The following LIMCH1 variants were observed in gnomAD, a reference collection of about 807,000 sequenced individuals.
The protein encoded by LIMCH1 is LIM and calponin homology domains-containing protein 1.
Under a neutral mutation model 176.5 loss-of-function variants are expected in LIMCH1, and 113 were observed. That is an observed-to-expected ratio of 0.64 (90% CI 0.55 to 0.75). The LOEUF (loss-of-function observed/expected upper bound fraction) is 0.75. Ranked by LOEUF, LIMCH1 falls within the 30% of genes least tolerant of loss-of-function variation. The pLI, the probability that LIMCH1 is intolerant of heterozygous loss-of-function variation, is 0.00. For missense variants in LIMCH1, 1,674 were observed against 1,814.9 expected (o/e 0.92, Z 1.41); for synonymous variants, 619 against 645.9 (o/e 0.96, Z 0.63).
intron 1 of LIMCH1, among the ~76,000 whole-genome samples, chr4:41,468,156 G>A (rs1397392938): frequency 6.6e-6 from 1 of 152,140 alleles, no homozygotes; most frequent in African/African-American, 2.4e-5. Flanking sequence ...TTTGAGAAGT[G>A]GAAGTTTTAT....
chr4:41,625,984 T>G lies in LIMCH1; in HGVS notation c.726-724T>G, dbSNP rs111576258. On this transcript the variant is annotated intron_variant, in intron 7 of 31. Coordinates refer to ENST00000503057, the MANE Select transcript of LIMCH1 (RefSeq NM_001330672.2). ...GAGAGCTATGATTGCACCACTGCGT[T>G]CCAGCCTGGGTGACAGAACAAGACC... Among the ~76,000 whole-genome samples, 58 of 152,104 alleles carry G rather than the reference T, an allele frequency of 3.8e-4. 3 individuals are homozygous for G. The highest frequency in any genetic ancestry group is 1.3e-3 in the African/African-American group (55 of 41,490).
intron 17 of LIMCH1, 141 bp downstream of exon 17, chr4:41,647,034 G>T: frequency 1.2e-6 from 1 of 801,230 alleles, no homozygotes; most frequent in South Asian, 1.9e-5. Flanking sequence ...GAAAGTCATA[G>T]GTCTCTGGAG....
chr4:41,413,832 A>G (rs902301453), intron 1 of LIMCH1, among the ~76,000 whole-genome samples: 1 of 152,126 alleles, frequency 6.6e-6, no homozygotes, highest in Non-Finnish European at 1.5e-5. Context: ...GGGTTAAAGG[A>G]AAAAAGACTA....
intron 2 of LIMCH1, among the ~76,000 whole-genome samples, chr4:41,509,167 A>T (rs981836314): frequency 1.1e-4 from 16 of 152,308 alleles, no homozygotes; most frequent in Middle Eastern, 6.8e-3. Flanking sequence ...TAACTGGGAT[A>T]TATGGTCACC....
intron 1 of LIMCH1, among the ~76,000 whole-genome samples, chr4:41,419,677 CTTCCTCCTTCCTTCCTTCCT>C (rs2060398380): frequency 1.3e-5 from 1 of 74,382 alleles, no homozygotes; most frequent in African/African-American, 6.5e-5. Flanking sequence ...TCCTTCCTTC[CTTCCTCCTTCCTTCCTTCCT>C]TCCTTCCTTC....
In LIMCH1 at chr4:41,540,849, C is replaced by G. The variant is rs961715392; in HGVS notation, c.-241+2499C>G. On this transcript the variant is annotated intron_variant, in intron 1 of 31. Coordinates refer to ENST00000503057, the MANE Select transcript of LIMCH1 (RefSeq NM_001330672.2). ...GTTGAAACAAACTGTCAGTCCTTGC[C>G]CTGATGGACGCTGCAGTTGACTTTC... Among the ~76,000 whole-genome samples the G allele has an allele frequency of 2.0e-5, 3 of 152,182 alleles. No individual in the cohort carries two copies. In the South Asian group the frequency reaches 6.2e-4, roughly 32 times the overall value.
chr4:41,631,480 A>G lies in LIMCH1; in HGVS notation c.1601+3A>G, dbSNP rs938786538. ...TTTAATCGACAAAATGACTGCAGGT[A>G]TTTTTTGCCATACGTGTGCAAGGAT... On this transcript the variant is annotated splice_donor_region_variant and intron_variant, in intron 10 of 31. Transcript: ENST00000503057. The G allele has an allele frequency of 1.3e-6, 2 of 1,500,954 alleles. No homozygotes were observed. The allele number at this position is 1,500,954 out of a possible 1,614,324, so 93.0% of individuals were successfully genotyped here.
intron 1 of LIMCH1, among the ~76,000 whole-genome samples, chr4:41,563,496 A>AT (rs2082322560): frequency 6.6e-6 from 1 of 152,142 alleles, no homozygotes; most frequent in Admixed American, 6.6e-5. Context: ...GGATTTTAGT[A>AT]TTTTTCCTAC....
intron 17 of LIMCH1, 61 bp downstream of exon 17, chr4:41,646,954 G>A: frequency 7.1e-7 from 1 of 1,404,272 alleles, no homozygotes; most frequent in South Asian, 1.3e-5. Context: ...ATGGAAAGAA[G>A]CATCATGACT....
chr4:41,369,150 T>C (rs2053564954), intron 1 of LIMCH1, among the ~76,000 whole-genome samples: 1 of 152,168 alleles, frequency 6.6e-6, no homozygotes, highest in South Asian at 2.1e-4. Flanking sequence ...TGACTGAGAT[T>C]CCTTTCAACA....
chr4:41,516,398 C>CAT (rs2075587888), intron 2 of LIMCH1, among the ~76,000 whole-genome samples: 1 of 152,162 alleles, frequency 6.6e-6, no homozygotes, highest in Non-Finnish European at 1.5e-5. Flanking sequence ...AGTGAAGCAT[C>CAT]ATAGAAAAGC....
intron 22 of LIMCH1, among the ~76,000 whole-genome samples, chr4:41,675,026 A>G (rs754465720): frequency 3.4e-4 from 51 of 152,188 alleles, no homozygotes; most frequent in Non-Finnish European, 5.3e-4. Context: ...ATAAGCTAGT[A>G]TCCCTAGATT....
At chr4:41,661,391 T>G (rs2094611703) in intron 18 of LIMCH1, 29 bp from the exon 19 acceptor site, 1 of 1,481,444 alleles carries the variant, frequency 6.8e-7, no homozygotes. Context: ...GAATCATTTA[T>G]TCAAGGGGGA....
chr4:41,507,535 A>C (rs1195482103), intron 2 of LIMCH1, among the ~76,000 whole-genome samples: 1 of 152,178 alleles, frequency 6.6e-6, no homozygotes, highest in Non-Finnish European at 1.5e-5. Context: ...ATCAGAGTAA[A>C]AAAATGCACC....
At chr4:41,646,386 T>G in intron 16 of LIMCH1, 99 bp from the exon 17 acceptor site, 1 of 1,506,930 alleles carries the variant, frequency 6.6e-7, no homozygotes, top group South Asian at 1.3e-5. Flanking sequence ...CATTTTATAT[T>G]CCCTGTACTA....
At chr4:41,570,746 C>G (rs529090538) in intron 1 of LIMCH1, among the ~76,000 whole-genome samples, 1 of 152,204 alleles carries the variant, frequency 6.6e-6, no homozygotes, top group East Asian at 1.9e-4. Flanking sequence ...AATGGCACCG[C>G]CCAACAAAAA....
In LIMCH1 at chr4:41,448,442, T is replaced by C. The variant is rs111366204; in HGVS notation, c.97-46094T>C. ...TCAGGGCCTGAGCTTGTCTGTTTCC[T>C]CACAGATATTTATCACAGTGCTCTC... On this transcript the variant is annotated intron_variant, in intron 1 of 26. Coordinates refer to the LIMCH1 transcript ENST00000313860. Among the ~76,000 whole-genome samples, 1,319 of 152,270 alleles carry C rather than the reference T, an allele frequency of 8.7e-3. 22 individuals carry two copies. The highest frequency in any genetic ancestry group is 0.03 in the African/African-American group (1,245 of 41,546).
At chr4:41,654,547 A>T (rs1007099028) in intron 18 of LIMCH1, among the ~76,000 whole-genome samples, 1 of 152,158 alleles carries the variant, frequency 6.6e-6, no homozygotes, top group East Asian at 1.9e-4. Flanking sequence ...TCTGTACTAG[A>T]TGGTGGAGTA....
chr4:41,437,213 C>G (rs909132249), intron 1 of LIMCH1, among the ~76,000 whole-genome samples: 1 of 152,188 alleles, frequency 6.6e-6, no homozygotes, highest in Admixed American at 6.5e-5. Context: ...TACAGAAAAA[C>G]TATTATTCTC....
Sources: allele counts gnomAD v4.1 joint callset (sites outside exome capture counted in the v4.1 genomes callset), GRCh38; gene constraint gnomAD v4.1.1; transcripts MANE v1.5; gene names NCBI Gene and HGNC (gene_info 2026-07-23, HGNC 2026-07-21).